The following PTPRD variants were observed in gnomAD, a reference collection of about 807,000 sequenced individuals.
PTPRD encodes the protein protein tyrosine phosphatase receptor type D.
PTPRD carries 34 observed loss-of-function variants against 214.5 expected under a neutral mutation model. The ratio of observed to expected loss-of-function variants is 0.16; its 90% CI spans 0.12 to 0.21. The LOEUF is 0.21. PTPRD is among the 10% of genes least tolerant of loss of function. The probability of loss-of-function intolerance (pLI) is 1.00; values close to 1 mark genes in which losing one functional copy is unlikely to be tolerated. For synonymous variants in PTPRD, 1,128 were observed against 845.7 expected (o/e 1.33, Z -5.79); for missense variants, 2,545 against 2,398.7 (o/e 1.06, Z -1.27).
intron 8 of PTPRD, among the ~76,000 whole-genome samples, chr9:9,465,514 T>A (rs143638561): frequency 6.7e-4 from 102 of 152,292 alleles, no homozygotes; most frequent in African/African-American, 2.2e-3. Context: ...AATATAAATT[T>A]AAGTAGCTAT....
intron 2 of PTPRD, among the ~76,000 whole-genome samples, chr9:10,538,067 G>C (rs2784609): frequency 6.6e-6 from 1 of 151,726 alleles, no homozygotes; most frequent in African/African-American, 2.4e-5. Context: ...GTTTAGGCTT[G>C]TCAACTTGCA....
intron 8 of PTPRD, among the ~76,000 whole-genome samples, chr9:9,523,697 G>T (rs898142812): frequency 6.6e-6 from 1 of 152,080 alleles, no homozygotes; most frequent in Non-Finnish European, 1.5e-5. Context: ...ACTCTTGACC[G>T]CTCCTTCCTT....
At chr9:10,350,339 T>A (rs923168210) in intron 2 of PTPRD, among the ~76,000 whole-genome samples, 1 of 152,154 alleles carries the variant, frequency 6.6e-6, no homozygotes. Context: ...TTCTAAACAA[T>A]TCTGTTATCT....
chr9:9,412,474 CA>C (rs1274665170), intron 8 of PTPRD, among the ~76,000 whole-genome samples: 1 of 152,110 alleles, frequency 6.6e-6, no homozygotes. Context: ...TCTCATCCCC[CA>C]AGGCCATTAT....
chr9:9,012,966 A>C (rs952400275), intron 11 of PTPRD, among the ~76,000 whole-genome samples: 1 of 152,128 alleles, frequency 6.6e-6, no homozygotes, highest in Non-Finnish European at 1.5e-5. Context: ...TTTCAGCAAA[A>C]TTTTGAGTGT....
chr9:9,696,857 G>T (rs980427497), intron 7 of PTPRD, among the ~76,000 whole-genome samples: 2 of 151,916 alleles, frequency 1.3e-5, no homozygotes, highest in Non-Finnish European at 2.9e-5. Context: ...CTTGCTTTCT[G>T]GTTGTTTTAC....
chr9:10,112,327 G>C (rs760335752), intron 3 of PTPRD, among the ~76,000 whole-genome samples: 9 of 152,118 alleles, frequency 5.9e-5, no homozygotes, highest in African/African-American at 2.2e-4. Context: ...GTTAATAGGA[G>C]GCTCATTAGT....
At chr9:9,802,089 G>C (rs2099044328) in intron 5 of PTPRD, among the ~76,000 whole-genome samples, 1 of 152,010 alleles carries the variant, frequency 6.6e-6, no homozygotes, top group South Asian at 2.1e-4. Flanking sequence ...TGCGACTCAA[G>C]TTGCTTAAGG....
At chr9:8,459,940 A>C (rs1039992186) in intron 33 of PTPRD, among the ~76,000 whole-genome samples, 5 of 152,070 alleles carry the variant, frequency 3.3e-5, no homozygotes, top group African/African-American at 7.2e-5. Flanking sequence ...GCTTTTGCTA[A>C]ATTTTGAGAA....
intron 4 of PTPRD, among the ~76,000 whole-genome samples, chr9:9,987,542 C>G (rs112865198): frequency 1.3e-5 from 2 of 152,120 alleles, no homozygotes; most frequent in South Asian, 4.2e-4. Flanking sequence ...GAGAACAGCA[C>G]GGGAAAGACC....
At chr9:9,418,507 A>G (rs1225575926) in intron 8 of PTPRD, among the ~76,000 whole-genome samples, 1 of 152,040 alleles carries the variant, frequency 6.6e-6, no homozygotes, top group Non-Finnish European at 1.5e-5. Flanking sequence ...TGACTTATCC[A>G]ACATTTTCTA....
intron 10 of PTPRD, among the ~76,000 whole-genome samples, chr9:9,060,797 A>C (rs761461693): frequency 1.3e-5 from 2 of 152,236 alleles, no homozygotes; most frequent in African/African-American, 2.4e-5. Flanking sequence ...AGTTATCAAC[A>C]GTGTCATGTG....
chr9:9,575,761 GAA>G (rs1403621384), intron 7 of PTPRD, among the ~76,000 whole-genome samples: 26 of 71,614 alleles, frequency 3.6e-4, no homozygotes, highest in African/African-American at 1.3e-3. Context: ...GAAAGAAAAA[GAA>G]AAAAAGAAAA....
At chr9:9,982,048 T>G (rs1416010026) in intron 4 of PTPRD, among the ~76,000 whole-genome samples, 1 of 152,194 alleles carries the variant, frequency 6.6e-6, no homozygotes. Context: ...ACCAGATTGC[T>G]TCCCCTAGGT....
At chr9:8,985,242 C>T (rs997075284) in intron 11 of PTPRD, among the ~76,000 whole-genome samples, 2 of 152,020 alleles carry the variant, frequency 1.3e-5, no homozygotes, top group East Asian at 1.9e-4. Context: ...CATATGTATG[C>T]ATTTATAAAT....
At chr9:10,579,632 A>C (rs1054484715) in intron 2 of PTPRD, among the ~76,000 whole-genome samples, 1 of 152,326 alleles carries the variant, frequency 6.6e-6, no homozygotes, top group East Asian at 1.9e-4. Context: ...ATATATACCC[A>C]GTAATGGGAT....
chr9:8,683,813 CCTT>C, intron 12 of PTPRD, among the ~76,000 whole-genome samples: 1 of 152,208 alleles, frequency 6.6e-6, no homozygotes, highest in East Asian at 1.9e-4. Flanking sequence ...CTTCATTCTG[CCTT>C]CTTCCCTTTT....
chr9:10,461,557 A>G (rs2098959100), intron 2 of PTPRD, among the ~76,000 whole-genome samples: 1 of 151,960 alleles, frequency 6.6e-6, no homozygotes, highest in South Asian at 2.1e-4. Context: ...AGAGGATACT[A>G]TGCTGGATCA....
chr9:10,362,819 G>A (rs1227632321), intron 2 of PTPRD, among the ~76,000 whole-genome samples: 1 of 152,144 alleles, frequency 6.6e-6, no homozygotes, highest in Non-Finnish European at 1.5e-5. Context: ...GGTGGAGGTG[G>A]CAGTGAGCCG....
Sources: allele counts gnomAD v4.1 joint callset (sites outside exome capture counted in the v4.1 genomes callset), GRCh38; gene constraint gnomAD v4.1.1; transcripts MANE v1.5; gene names NCBI Gene and HGNC (gene_info 2026-07-23, HGNC 2026-07-21).